ATP13A5: variants seen among roughly 807,000 people sequenced by gnomAD.
The protein encoded by ATP13A5 is ATPase 13A5.
ATP13A5 carries 149 observed loss-of-function variants against 150.2 expected under a neutral mutation model. The observed-to-expected ratio is 0.99, with a 90% confidence interval of 0.87 to 1.14. The LOEUF is 1.14. Among genes scored for constraint, ATP13A5 ranks in the 50% most tolerant of loss-of-function variants. The pLI, the probability that ATP13A5 is intolerant of heterozygous loss-of-function variation, is 0.00. For synonymous variants in ATP13A5, 497 were observed against 522.2 expected, an observed-to-expected ratio of 0.95 and a Z score of 0.66; for missense variants, 1,383 against 1,449.3, an observed-to-expected ratio of 0.95 and a Z score of 0.74.
intron 25 of ATP13A5, among the ~76,000 whole-genome samples, chr3:193,291,914 A>G (rs113033571): frequency 6.6e-6 from 1 of 152,096 alleles, no homozygotes; most frequent in African/African-American, 2.4e-5. Context: ...TAAAACTGCA[A>G]TCATAAGTAT....
At position 193,314,020 on chromosome 3, in the gene ATP13A5, A is replaced by G; in HGVS notation, c.2319+13T>C. 1 of 1,612,030 alleles carries G rather than the reference A, an allele frequency of 6.2e-7. No individual in the cohort carries two copies. The highest frequency in any genetic ancestry group is 8.5e-7 in the Non-Finnish European group (1 of 1,179,592). On this transcript the variant is annotated intron_variant, in intron 19 of 29. Transcript: ENST00000342358. ...GTCTAGGCCCACGGAGGGGCCTTCT[A>G]ACATTTGCTCACTTTCTTCCCAGGT...
chr3:193,356,377 C>T (rs982538841), intron 5 of ATP13A5, among the ~76,000 whole-genome samples: 6 of 151,848 alleles, frequency 4.0e-5, no homozygotes, highest in South Asian at 2.1e-4. Context: ...GCTGAATGAA[C>T]GAATTGATGG....
chr3:193,364,310 T>C, intron 1 of ATP13A5, 30 bp from the exon 2 acceptor site: 1 of 1,597,650 alleles, frequency 6.3e-7, no homozygotes, highest in African/African-American at 1.3e-5. Flanking sequence ...GATCGCTCTA[T>C]TTTTCTTTTC....
At chr3:193,363,971 G>T in intron 2 of ATP13A5, 136 bp downstream of exon 2, 2 of 992,096 alleles carry the variant, frequency 2.0e-6, no homozygotes, top group Non-Finnish European at 2.9e-6. Flanking sequence ...ATTTTCTCCT[G>T]TTTTGATCTA....
chr3:193,333,645 T>A, intron 11 of ATP13A5, 105 bp downstream of exon 11: 6 of 1,166,912 alleles, frequency 5.1e-6, no homozygotes, highest in Middle Eastern at 2.1e-4. Context: ...ACAGTAATGA[T>A]TCACAGAATG....
intron 26 of ATP13A5, among the ~76,000 whole-genome samples, chr3:193,288,986 T>TG (rs1285323697): frequency 6.6e-6 from 1 of 152,140 alleles, no homozygotes; most frequent in Non-Finnish European, 1.5e-5. Context: ...ACTCCAATTT[T>TG]GGAAAAAATC....
In ATP13A5 at chr3:193,321,755, G is replaced by A. The variant is rs766523832; in HGVS notation, c.1841C>T (p.Ala614Val). ...LQRMSVIAQL[A>V]GENHFHVYMK... is the part of the protein sequence containing the mutation. ...GTAGACATGGAAATGATTCTCCCCA[G>A]CTAGCTGAGCGATCACGGACATCCT... is the stretch of plus-strand genomic sequence containing the variant. The change falls in exon 16 of 30, where the codon GCT becomes GTT. Residue 614 changes from alanine (A) to valine (V), a missense_variant. By Grantham distance (64) the Ala-to-Val change is moderately conservative. Coordinates refer to ENST00000342358, the MANE Select transcript of ATP13A5 (RefSeq NM_198505.4). 6.2e-7 allele frequency: 1 copy of A among 1,614,152 alleles called. No individual in the cohort carries two copies.
At chr3:193,334,193 C>A (rs910980660) in intron 10 of ATP13A5, among the ~76,000 whole-genome samples, 1 of 151,938 alleles carries the variant, frequency 6.6e-6, no homozygotes, top group South Asian at 2.1e-4. Context: ...AATCATAAAC[C>A]AAACTAAAGC....
chr3:193,295,510 G>A (rs1203099790), intron 25 of ATP13A5, among the ~76,000 whole-genome samples: 1 of 151,974 alleles, frequency 6.6e-6, no homozygotes, highest in Non-Finnish European at 1.5e-5. Context: ...CATCTTATTT[G>A]TTCATGTATG....
intron 25 of ATP13A5, among the ~76,000 whole-genome samples, chr3:193,293,927 G>A (rs1213769918): frequency 6.6e-6 from 1 of 152,058 alleles, no homozygotes; most frequent in Non-Finnish European, 1.5e-5. Flanking sequence ...CTAGGGGCTG[G>A]AATGGCTGGC....
intron 2 of ATP13A5, 118 bp from the exon 3 acceptor site, chr3:193,363,500 C>A: frequency 1.1e-6 from 1 of 909,132 alleles, no homozygotes. Flanking sequence ...TCAGCTTTAT[C>A]TCAGAACTTA....
In ATP13A5 at chr3:193,290,076, T is replaced by G. The variant is rs924525058; in HGVS notation, c.2849-17A>C. The G allele has an allele frequency of 3.2e-6, 5 of 1,582,368 alleles. No individual in the cohort carries two copies. Among genetic ancestry groups the G allele is most frequent in the Non-Finnish European group, 2.6e-6 (3 of 1,167,664 alleles). ...TTGAACTCACTGAAAGACAAATACA[T>G]TTTTTTCCTATTACAATCTTATCAT... On this transcript the variant is annotated splice_polypyrimidine_tract_variant and intron_variant, in intron 25 of 29. Coordinates refer to ENST00000342358, the MANE Select transcript of ATP13A5 (RefSeq NM_198505.4).
intron 9 of ATP13A5, 52 bp from the exon 10 acceptor site, chr3:193,335,151 G>A (rs1711806274): frequency 6.4e-7 from 1 of 1,560,308 alleles, no homozygotes; most frequent in Non-Finnish European, 8.8e-7. Context: ...TAGTTGGTCA[G>A]AACTGGTGCA....
chr3:193,339,686 A>G (rs1331917121), intron 9 of ATP13A5, among the ~76,000 whole-genome samples: 1 of 151,838 alleles, frequency 6.6e-6, no homozygotes, highest in Non-Finnish European at 1.5e-5. Flanking sequence ...ATTGCATTCT[A>G]TGGCTTCGTA....
intron 10 of ATP13A5, 24 bp downstream of exon 10, chr3:193,334,905 C>G: frequency 6.3e-7 from 1 of 1,597,222 alleles, no homozygotes; most frequent in Non-Finnish European, 8.6e-7. Flanking sequence ...ATGAATTAAA[C>G]TTACAAAAGT....
Position 193,299,113 on chromosome 3 carries a change from C to A in ATP13A5, c.2848+18G>T. 1 of 1,567,894 alleles carries A rather than the reference C, an allele frequency of 6.4e-7. No individual in the cohort carries two copies. The highest frequency in any genetic ancestry group is 8.7e-7 in the Non-Finnish European group (1 of 1,155,950). On this transcript the variant is annotated intron_variant, in intron 25 of 29. Coordinates refer to ENST00000342358, the MANE Select transcript of ATP13A5 (RefSeq NM_198505.4). Reference sequence around the variant, plus strand: ...AGATAAATAAAAACAATATAGTTTTCTTTGCTAAAGAGCTTACTTGTTAAA... The same window carrying A: ...AGATAAATAAAAACAATATAGTTTTATTTGCTAAAGAGCTTACTTGTTAAA...
At position 193,307,380 on chromosome 3, in the gene ATP13A5, C is replaced by G; in HGVS notation, c.2526-11G>C. ...ATGCCCACATAATAACTGCGGGAGA[C>G]AGGAGAAGAAGGATTAATAGGTAAG... is the stretch of plus-strand genomic sequence containing the variant. On this transcript the variant is annotated splice_polypyrimidine_tract_variant and intron_variant, in intron 21 of 29. Transcript: ENST00000342358. 6.2e-7 allele frequency: 1 copy of G among 1,613,612 alleles called. No individual in the cohort carries two copies.
intron 1 of ATP13A5, among the ~76,000 whole-genome samples, chr3:193,369,966 G>A (rs182042052): frequency 6.6e-6 from 1 of 152,270 alleles, no homozygotes; most frequent in African/African-American, 2.4e-5. Flanking sequence ...GCTTTTAGTT[G>A]CAATATACTG....
At position 193,335,045 on chromosome 3, in the gene ATP13A5, G is replaced by A. The variant is rs1204764446; in HGVS notation, c.998C>T (p.Pro333Leu). 1.2e-6 allele frequency: 2 copies of A among 1,613,956 alleles called. No homozygotes were observed. The highest frequency in any genetic ancestry group is 1.7e-6 in the Non-Finnish European group (2 of 1,179,836). The change falls in exon 10 of 30, where the codon CCT (proline) becomes CTT (leucine). Residue 333 changes from proline (P) to leucine (L), a missense_variant. Transcript: ENST00000342358. ...TPLPQMENTMPWKCHSLEDYR... is the reference protein window; with the variant it reads ...TPLPQMENTMLWKCHSLEDYR... ...ATCCTCCAAACTGTGACATTTCCAA[G>A]GCATAGTGTTCTCCATCTGGGGCAA...
Sources: gnomAD v4.1 joint callset for allele counts (sites outside exome capture counted in the v4.1 genomes callset) on GRCh38, gnomAD v4.1.1 for gene constraint, MANE v1.5 for transcripts, NCBI Gene and HGNC (gene_info 2026-07-23, HGNC 2026-07-21) for gene names.